The following KIAA1217 variants were observed in gnomAD, a reference collection of about 807,000 sequenced individuals.
KIAA1217 encodes sickle tail protein homolog.
In KIAA1217, 88 loss-of-function variants were observed where a neutral mutation model predicts 163.9. The ratio of observed to expected loss-of-function variants is 0.54; its 90% CI spans 0.45 to 0.64. The LOEUF (loss-of-function observed/expected upper bound fraction) is 0.64. KIAA1217 is among the 30% of genes least tolerant of loss of function. KIAA1217 has a pLI of 0.00. For missense variants in KIAA1217, 2,372 were observed against 2,475.0 expected, an observed-to-expected ratio of 0.96 and a Z score of 0.88; for synonymous variants, 903 against 923.1, an observed-to-expected ratio of 0.98 and a Z score of 0.39.
intron 2 of KIAA1217, among the ~76,000 whole-genome samples, chr10:24,108,429 G>A (rs767527782): frequency 2.0e-5 from 3 of 152,190 alleles, no homozygotes; most frequent in African/African-American, 7.2e-5. Context: ...GGTACTTGCA[G>A]TTTTAAAACA....
intron 1 of KIAA1217, among the ~76,000 whole-genome samples, chr10:23,790,122 T>C (rs1436719473): frequency 1.2e-5 from 1 of 83,690 alleles, no homozygotes; most frequent in African/African-American, 6.3e-5. Flanking sequence ...CATATACACA[T>C]ATACACATAT....
intron 1 of KIAA1217, among the ~76,000 whole-genome samples, chr10:23,970,150 T>C (rs926526897): frequency 3.3e-5 from 5 of 152,138 alleles, no homozygotes; most frequent in African/African-American, 7.2e-5. Context: ...ATATCACCAA[T>C]TAATTGATTT....
At chr10:24,191,864 A>G (rs1285550203) in intron 2 of KIAA1217, among the ~76,000 whole-genome samples, 1 of 152,088 alleles carries the variant, frequency 6.6e-6, no homozygotes, top group African/African-American at 2.4e-5. Context: ...AGCAATTCTC[A>G]TGCCTCAGTC....
intron 1 of KIAA1217, 130 bp downstream of exon 1, chr10:24,209,393 T>A: frequency 1.5e-6 from 1 of 675,540 alleles, no homozygotes. Flanking sequence ...CTTGGGATGG[T>A]ACATTTTCCA....
intron 1 of KIAA1217, among the ~76,000 whole-genome samples, chr10:23,989,469 C>T (rs1215710437): frequency 6.6e-6 from 1 of 152,162 alleles, no homozygotes; most frequent in Non-Finnish European, 1.5e-5. Flanking sequence ...GGGAACTTAG[C>T]AAGGCCTGTG....
At chr10:23,743,958 AG>A (rs1307300676) in intron 1 of KIAA1217, among the ~76,000 whole-genome samples, 2 of 152,150 alleles carry the variant, frequency 1.3e-5, no homozygotes, top group African/African-American at 2.4e-5. Context: ...GTTTCCTGAC[AG>A]GGATCAGGAA....
chr10:24,154,727 T>A (rs2064796547), intron 2 of KIAA1217, among the ~76,000 whole-genome samples: 1 of 152,008 alleles, frequency 6.6e-6, no homozygotes, highest in African/African-American at 2.4e-5. Flanking sequence ...AATACAAAAA[T>A]TAGCTGGGCA....
At chr10:24,343,751 GTTTAT>G (rs1039617990) in intron 2 of KIAA1217, among the ~76,000 whole-genome samples, 1 of 152,156 alleles carries the variant, frequency 6.6e-6, no homozygotes, top group African/African-American at 2.4e-5. Flanking sequence ...TCCTTCTACA[GTTTAT>G]TTTGAGGCAA....
At chr10:24,217,491 G>T (rs2068983971) in intron 1 of KIAA1217, among the ~76,000 whole-genome samples, 2 of 152,158 alleles carry the variant, frequency 1.3e-5, no homozygotes, top group Non-Finnish European at 2.9e-5. Context: ...TAAACAAGAA[G>T]AATTATTCCC....
In KIAA1217 at chr10:24,025,800, C is replaced by T. The variant is rs142244810; in HGVS notation, c.-171+18426C>T. On this transcript the variant is annotated intron_variant, in intron 2 of 18. Transcript: ENST00000376462. Reference sequence around the variant, plus strand: ...TAAATGGTAATTTTGAATTTTAGTTCCCAATTATTCTTTACTAAAATACAG... The same window carrying T: ...TAAATGGTAATTTTGAATTTTAGTTTCCAATTATTCTTTACTAAAATACAG... Among the ~76,000 whole-genome samples the T allele has an allele frequency of 2.2e-4, 34 of 151,656 alleles. No homozygotes were observed. The East Asian group carries it at 6.6e-3, about 29-fold the overall frequency.
intron 8 of KIAA1217, among the ~76,000 whole-genome samples, chr10:24,499,053 T>A (rs1406102213): frequency 1.3e-5 from 2 of 152,208 alleles, no homozygotes; most frequent in Non-Finnish European, 2.9e-5. Context: ...CACAGTGTCA[T>A]CTTTGTTGGA....
intron 2 of KIAA1217, among the ~76,000 whole-genome samples, chr10:24,238,170 C>T (rs999185503): frequency 6.6e-6 from 1 of 152,250 alleles, no homozygotes; most frequent in Non-Finnish European, 1.5e-5. Flanking sequence ...CAAAACTCTG[C>T]AGTGTCACAT....
chr10:24,391,475 G>C (rs2054974661), intron 3 of KIAA1217, among the ~76,000 whole-genome samples: 1 of 151,346 alleles, frequency 6.6e-6, no homozygotes, highest in African/African-American at 2.4e-5. Flanking sequence ...CTCCTAAGTA[G>C]CTGGGATTAC....
intron 2 of KIAA1217, among the ~76,000 whole-genome samples, chr10:24,329,540 G>T (rs1288248849): frequency 6.6e-6 from 1 of 152,048 alleles, no homozygotes; most frequent in African/African-American, 2.4e-5. Context: ...GGCAATGTAC[G>T]CTCTCCTGGA....
At chr10:23,888,278 T>G (rs1841269903) in intron 1 of KIAA1217, among the ~76,000 whole-genome samples, 1 of 151,940 alleles carries the variant, frequency 6.6e-6, no homozygotes, top group Non-Finnish European at 1.5e-5. Flanking sequence ...CAATTTGACC[T>G]CATTCAGTAA....
At chr10:24,181,703 T>C (rs2066178315) in intron 2 of KIAA1217, among the ~76,000 whole-genome samples, 1 of 152,114 alleles carries the variant, frequency 6.6e-6, no homozygotes, top group Non-Finnish European at 1.5e-5. Context: ...TTTGTCCAGG[T>C]TGGTGGTAGT....
At chr10:24,255,279 G>C (rs1183175441) in intron 2 of KIAA1217, 3 of 285,876 alleles carry the variant, frequency 1.0e-5, no homozygotes, top group Non-Finnish European at 2.1e-5. Context: ...ACCCCACCCA[G>C]GTGGCATTTG....
chr10:24,171,766 A>G (rs2065638867), intron 2 of KIAA1217, among the ~76,000 whole-genome samples: 1 of 152,226 alleles, frequency 6.6e-6, no homozygotes, highest in Non-Finnish European at 1.5e-5. Flanking sequence ...CAGACTGGAC[A>G]ACAAGAGCAA....
chr10:23,846,440 T>C (rs1394492986), intron 1 of KIAA1217, among the ~76,000 whole-genome samples: 1 of 152,154 alleles, frequency 6.6e-6, no homozygotes, highest in Non-Finnish European at 1.5e-5. Flanking sequence ...CTTGAAGAGG[T>C]CCTTCACCTC....
Sources: gnomAD v4.1 joint callset for allele counts (sites outside exome capture counted in the v4.1 genomes callset) on GRCh38, gnomAD v4.1.1 for gene constraint, MANE v1.5 for transcripts, NCBI Gene and HGNC (gene_info 2026-07-23, HGNC 2026-07-21) for gene names.